KIAA1671: variants seen among roughly 807,000 people sequenced by gnomAD.
The protein encoded by KIAA1671 is uncharacterized protein KIAA1671.
In KIAA1671, 52 loss-of-function variants were observed where a neutral mutation model predicts 131.2. That is an observed-to-expected ratio of 0.40 (90% CI 0.32 to 0.50). The LOEUF (loss-of-function observed/expected upper bound fraction) is 0.50, where lower values mean the gene tolerates loss of function less well. Among genes scored for constraint, KIAA1671 ranks in the 20% least tolerant of loss-of-function variants. KIAA1671 has a pLI of 0.73. For missense variants in KIAA1671, 2,360 were observed against 2,364.2 expected, an observed-to-expected ratio of 1.00 and a Z score of 0.04; for synonymous variants, 1,003 against 961.6, an observed-to-expected ratio of 1.04 and a Z score of -0.80.
intron 1 of KIAA1671, among the ~76,000 whole-genome samples, chr22:24,987,361 C>T (rs1444442785): frequency 6.6e-6 from 1 of 151,734 alleles, no homozygotes; most frequent in South Asian, 2.1e-4. Context: ...TCAGTAGAGA[C>T]GGGGTTTCAC....
chr22:25,131,398 G>A (rs919288060), intron 6 of KIAA1671, among the ~76,000 whole-genome samples: 4 of 152,214 alleles, frequency 2.6e-5, no homozygotes, highest in Non-Finnish European at 4.4e-5. Flanking sequence ...CACACCCATG[G>A]GCCTAGCAAG....
At chr22:25,151,466 C>G (rs573291695) in intron 6 of KIAA1671, among the ~76,000 whole-genome samples, 2 of 131,496 alleles carry the variant, frequency 1.5e-5, no homozygotes, top group Admixed American at 1.7e-4. Context: ...GAATCTCACT[C>G]TGTCACCCAG....
chr22:24,979,234 T>G (rs1254453718), intron 1 of KIAA1671, among the ~76,000 whole-genome samples: 1 of 149,192 alleles, frequency 6.7e-6, no homozygotes, highest in Non-Finnish European at 1.5e-5. Context: ...CAGGCTGGTC[T>G]TGAACTCCTG....
chr22:25,164,978 C>CGTGTGGGT, intron 6 of KIAA1671, among the ~76,000 whole-genome samples: 1 of 116,584 alleles, frequency 8.6e-6, no homozygotes, highest in Non-Finnish European at 1.7e-5. Flanking sequence ...GAGTTGCAGG[C>CGTGTGGGT]GTGTGTGTGT....
In KIAA1671 at chr22:25,165,634, G is replaced by A. The variant is rs1933619497; in HGVS notation, c.4531-5186G>A. Among the ~76,000 whole-genome samples the A allele has an allele frequency of 4.6e-5, 7 of 152,198 alleles. No individual in the cohort carries two copies. The South Asian group carries it at 1.4e-3, about 32-fold the overall frequency. ...AATTAAATTCAAATAGTCATAAGTG[G>A]CTAGTGGCTACTGTATCAGATGGCA... On this transcript the variant is annotated intron_variant, in intron 6 of 12. Coordinates refer to ENST00000358431, the MANE Select transcript of KIAA1671 (RefSeq NM_001145206.2).
At position 25,177,499 on chromosome 22, in the gene KIAA1671, C is replaced by G. The variant is rs374956550; in HGVS notation, c.5051C>G (p.Thr1684Arg). The G allele has an allele frequency of 6.4e-7, 1 of 1,551,456 alleles. No homozygotes were observed. The highest frequency in any genetic ancestry group is 8.7e-7 in the Non-Finnish European group (1 of 1,146,776). Residue 1684 changes from threonine to arginine, a missense_variant, in exon 9 of 13, where the codon ACG becomes AGG. Around this residue, in one of 3 missense-constraint regions of KIAA1671, gnomAD observed 1,161 missense variants for 1,204.7 expected, o/e 0.96. Coordinates refer to ENST00000358431, the MANE Select transcript of KIAA1671 (RefSeq NM_001145206.2). Reference protein sequence around the residue: ...RSPLEDETDNTWMFKDSTEEK... With the variant: ...RSPLEDETDNRWMFKDSTEEK... ...CCTTTGGAGGATGAGACTGACAACA[C>G]GTGGATGTTCAAAGACTCAACGGGT...
At chr22:25,152,445 C>T (rs1568982084) in intron 6 of KIAA1671, among the ~76,000 whole-genome samples, 1 of 152,138 alleles carries the variant, frequency 6.6e-6, no homozygotes, top group Non-Finnish European at 1.5e-5. Context: ...AAACACAATG[C>T]ATGCAGGCAC....
At chr22:25,066,336 A>C (rs1928475033) in intron 6 of KIAA1671, among the ~76,000 whole-genome samples, 1 of 152,056 alleles carries the variant, frequency 6.6e-6, no homozygotes. Context: ...TTTTATAGAC[A>C]CAGGGTCTTA....
intron 6 of KIAA1671, among the ~76,000 whole-genome samples, chr22:25,075,000 G>A (rs904237726): frequency 3.9e-5 from 6 of 152,178 alleles, no homozygotes; most frequent in African/African-American, 1.4e-4. Flanking sequence ...AAAGATAGTA[G>A]CGGGAGTTCC....
At chr22:25,062,539 G>A (rs1310918710) in intron 6 of KIAA1671, 1 of 152,200 alleles carries the variant, frequency 6.6e-6, no homozygotes, top group African/African-American at 2.4e-5. Context: ...CACATTTCCT[G>A]TCAGTGGGCT....
chr22:25,132,390 C>T (rs925915536), intron 6 of KIAA1671, among the ~76,000 whole-genome samples: 1 of 152,140 alleles, frequency 6.6e-6, no homozygotes, highest in African/African-American at 2.4e-5. Flanking sequence ...CCACTGGGGT[C>T]AGGGGGCATA....
At chr22:25,053,667 G>A (rs1602101261) in intron 6 of KIAA1671, 1 of 152,234 alleles carries the variant, frequency 6.6e-6, no homozygotes, top group Admixed American at 6.5e-5. Context: ...CACAGCCCAG[G>A]GGTCTGAAAA....
At chr22:25,170,727 T>C (rs575714844) in intron 6 of KIAA1671, 93 bp from the exon 7 acceptor site, 5 of 1,272,664 alleles carry the variant, frequency 3.9e-6, no homozygotes, top group Non-Finnish European at 4.5e-6. Context: ...GGGTTTGAGC[T>C]GGGGGCCATG....
chr22:25,026,732 A>G (rs796912997), intron 2 of KIAA1671, among the ~76,000 whole-genome samples: 2,012 of 147,730 alleles, frequency 0.014, 50 homozygotes, highest in African/African-American at 0.045. Flanking sequence ...CTTGGTCTCA[A>G]AAAAAAAAAA....
intron 5 of KIAA1671, among the ~76,000 whole-genome samples, chr22:25,046,023 C>T (rs1040839322): frequency 1.3e-5 from 2 of 151,738 alleles, no homozygotes; most frequent in Admixed American, 6.6e-5. Context: ...AGGGTTGTGC[C>T]GGGTGCAGTG....
At chr22:25,045,792 T>C (rs1456512880) in intron 5 of KIAA1671, among the ~76,000 whole-genome samples, 2 of 152,048 alleles carry the variant, frequency 1.3e-5, no homozygotes, top group Non-Finnish European at 2.9e-5. Context: ...GGTTTCACCA[T>C]GTTAACCAGG....
intron 6 of KIAA1671, chr22:25,050,993 G>C (rs1216203506): frequency 6.6e-6 from 1 of 152,322 alleles, no homozygotes; most frequent in Non-Finnish European, 1.5e-5. Context: ...CATCCTCCTT[G>C]GCCGTCCTGC....
chr22:25,099,235 T>C (rs1930533054), intron 6 of KIAA1671, among the ~76,000 whole-genome samples: 1 of 152,022 alleles, frequency 6.6e-6, no homozygotes, highest in African/African-American at 2.4e-5. Flanking sequence ...TTACCACCAC[T>C]GGTAAGAAGG....
chr22:25,181,156 G>A, intron 9 of KIAA1671, among the ~76,000 whole-genome samples: 1 of 152,144 alleles, frequency 6.6e-6, no homozygotes, highest in East Asian at 1.9e-4. Flanking sequence ...ATCACTCCTG[G>A]AAGAGTGGGA....
Sources: allele counts gnomAD v4.1 joint callset (sites outside exome capture counted in the v4.1 genomes callset), GRCh38; gene constraint gnomAD v4.1.1; regional missense constraint gnomAD v4.1.1; transcripts MANE v1.5; gene names NCBI Gene and HGNC (gene_info 2026-07-23, HGNC 2026-07-21).